The following PDLIM5 variants were observed in gnomAD, a reference collection of about 807,000 sequenced individuals.
PDLIM5 encodes PDZ and LIM domain 5.
Under a neutral mutation model 64.2 loss-of-function variants are expected in PDLIM5, and 34 were observed. The observed-to-expected ratio is 0.53, with a 90% CI of 0.40 to 0.71. The LOEUF is 0.71. PDLIM5 is among the 30% of genes least tolerant of loss of function. PDLIM5 has a pLI of 0.00. For synonymous variants in PDLIM5, 253 were observed against 269.1 expected, an observed-to-expected ratio of 0.94 and a Z score of 0.59; for missense variants, 683 against 733.6, an observed-to-expected ratio of 0.93 and a Z score of 0.80.
intron 8 of PDLIM5, among the ~76,000 whole-genome samples, chr4:94,640,015 G>A (rs138280061): frequency 0.025 from 3,709 of 150,612 alleles, 153 homozygotes; most frequent in East Asian, 0.15. Flanking sequence ...CAACAAGAGC[G>A]AAACTCTGTC....
chr4:94,608,334 T>C (rs1426217654), intron 7 of PDLIM5, among the ~76,000 whole-genome samples: 1 of 152,242 alleles, frequency 6.6e-6, no homozygotes, highest in African/African-American at 2.4e-5. Context: ...AAAACAGCGC[T>C]TCTCACTGCT....
chr4:94,464,745 T>C (rs1472767986), intron 2 of PDLIM5, among the ~76,000 whole-genome samples: 1 of 152,234 alleles, frequency 6.6e-6, no homozygotes, highest in Non-Finnish European at 1.5e-5. Flanking sequence ...TTGATCTTTT[T>C]AGGGTAGACG....
Position 94,667,780 on chromosome 4 carries a change from C to T in PDLIM5, c.*3713C>T, listed in dbSNP as rs985906875. ...ACTATAGCATTATGTTTAAAATAAT[C>T]TACAACAAAAATGTACCATTTTCAA... On this transcript the variant is annotated 3_prime_UTR_variant, in exon 13 of 13. Coordinates refer to ENST00000317968, the MANE Select transcript of PDLIM5 (RefSeq NM_006457.5). 6.6e-6 allele frequency: 1 copy of T among 152,098 alleles called. No individual in the cohort carries two copies. The highest frequency in any genetic ancestry group is 2.4e-5 in the African/African-American group (1 of 41,424). The allele number at this position is 152,098 out of a possible 1,614,324, so 9.4% of individuals were successfully genotyped here.
chr4:94,487,289 A>T (rs1019583213), intron 2 of PDLIM5, among the ~76,000 whole-genome samples: 3 of 152,154 alleles, frequency 2.0e-5, no homozygotes, highest in Non-Finnish European at 4.4e-5. Flanking sequence ...TCTGCTGCCT[A>T]TATAGATTTT....
At chr4:94,550,293 A>C (rs1732698207) in intron 3 of PDLIM5, among the ~76,000 whole-genome samples, 1 of 152,186 alleles carries the variant, frequency 6.6e-6, no homozygotes, top group South Asian at 2.1e-4. Context: ...ATTCAAAGTT[A>C]GGACATTTCT....
At chr4:94,598,448 G>A (rs1209383331) in intron 7 of PDLIM5, among the ~76,000 whole-genome samples, 1 of 152,100 alleles carries the variant, frequency 6.6e-6, no homozygotes, top group Non-Finnish European at 1.5e-5. Flanking sequence ...TGGGTGAGAA[G>A]CAGTTATATG....
intron 2 of PDLIM5, among the ~76,000 whole-genome samples, chr4:94,478,060 A>C (rs1578220848): frequency 6.6e-6 from 1 of 152,104 alleles, no homozygotes; most frequent in East Asian, 1.9e-4. Flanking sequence ...GTTCGAGACC[A>C]GCCTGACCAA....
chr4:94,589,366 A>T (rs1736495738), intron 7 of PDLIM5, among the ~76,000 whole-genome samples: 1 of 152,248 alleles, frequency 6.6e-6, no homozygotes, highest in African/African-American at 2.4e-5. Flanking sequence ...TGCTTAATTA[A>T]AAATGAAGTA....
intron 3 of PDLIM5, among the ~76,000 whole-genome samples, chr4:94,563,886 GATTT>G (rs1734046815): frequency 6.6e-6 from 1 of 150,530 alleles, no homozygotes; most frequent in Non-Finnish European, 1.5e-5. Flanking sequence ...TTAACACTGA[GATTT>G]GGATTTAATC....
At chr4:94,534,364 A>G (rs1731141371) in intron 3 of PDLIM5, among the ~76,000 whole-genome samples, 2 of 152,188 alleles carry the variant, frequency 1.3e-5, no homozygotes, top group African/African-American at 4.8e-5. Context: ...CCTCAGGACT[A>G]CCATTTATTA....
At chr4:94,564,675 T>TTTTTTTTTTTTTA (rs34752406) in intron 3 of PDLIM5, among the ~76,000 whole-genome samples, 1 of 146,396 alleles carries the variant, frequency 6.8e-6, no homozygotes, top group Non-Finnish European at 1.5e-5. Context: ...TTTTTTTTTT[T>TTTTTTTTTTTTTA]GACAGAGTCT....
chr4:94,614,265 C>A (rs541044889), intron 7 of PDLIM5, among the ~76,000 whole-genome samples: 1 of 152,094 alleles, frequency 6.6e-6, no homozygotes, highest in African/African-American at 2.4e-5. Flanking sequence ...CCAGCCAATC[C>A]TTTCATCTTT....
intron 9 of PDLIM5, 146 bp downstream of exon 9, chr4:94,640,596 C>T (rs565374091): frequency 6.2e-6 from 3 of 486,250 alleles, no homozygotes; most frequent in Middle Eastern, 3.8e-4. Flanking sequence ...TGAGTAAATA[C>T]GAATATCTAT....
intron 3 of PDLIM5, among the ~76,000 whole-genome samples, chr4:94,562,990 A>G (rs1428389738): frequency 1.3e-5 from 2 of 152,318 alleles, no homozygotes; most frequent in African/African-American, 4.8e-5. Context: ...TTAAATTATC[A>G]ATCAGTAATA....
intron 2 of PDLIM5, among the ~76,000 whole-genome samples, chr4:94,520,382 A>G (rs969022292): frequency 1.3e-5 from 2 of 152,214 alleles, no homozygotes; most frequent in Non-Finnish European, 2.9e-5. Context: ...TGCCGTGTAC[A>G]AGATATACTG....
chr4:94,571,759 A>G (rs765169389), intron 3 of PDLIM5, among the ~76,000 whole-genome samples: 1 of 152,240 alleles, frequency 6.6e-6, no homozygotes, highest in Non-Finnish European at 1.5e-5. Flanking sequence ...GAAAAGGAAG[A>G]CAATTACAAC....
intron 3 of PDLIM5, among the ~76,000 whole-genome samples, chr4:94,563,976 T>G: frequency 8.6e-6 from 1 of 115,732 alleles, no homozygotes; most frequent in Non-Finnish European, 1.7e-5. Context: ...TTTTTTTTTC[T>G]GTTTTGAGAC....
intron 3 of PDLIM5, among the ~76,000 whole-genome samples, chr4:94,554,373 C>T (rs574181933): frequency 1.2e-4 from 19 of 152,296 alleles, no homozygotes; most frequent in African/African-American, 4.6e-4. Flanking sequence ...AAAAGAAACT[C>T]ATCTGCCCTT....
chr4:94,652,543 T>A (rs1317955490), intron 9 of PDLIM5, among the ~76,000 whole-genome samples: 2 of 152,142 alleles, frequency 1.3e-5, no homozygotes, highest in Non-Finnish European at 2.9e-5. Flanking sequence ...ACTGAGAAAA[T>A]TAGATGAAGG....
Sources: allele counts gnomAD v4.1 joint callset (sites outside exome capture counted in the v4.1 genomes callset), GRCh38; gene constraint gnomAD v4.1.1; transcripts MANE v1.5; gene names NCBI Gene and HGNC (gene_info 2026-07-23, HGNC 2026-07-21).